The following DHX58 variants were observed in gnomAD, a reference collection of about 807,000 sequenced individuals.
DHX58 encodes the protein DExH-box helicase 58, also known as ATP-dependent RNA helicase DHX58.
DHX58 carries 51 observed loss-of-function variants against 65.0 expected under a neutral mutation model. The observed-to-expected ratio is 0.78, with a 90% CI of 0.63 to 0.99. The LOEUF (loss-of-function observed/expected upper bound fraction) is 0.99, where lower values mean the gene tolerates loss of function less well. DHX58 is among the 50% of genes least tolerant of loss of function. The pLI is 0.00. For missense variants in DHX58, 773 were observed against 891.8 expected, an observed-to-expected ratio of 0.87 and a Z score of 1.70; for synonymous variants, 350 against 365.0, an observed-to-expected ratio of 0.96 and a Z score of 0.47.
intron 12 of DHX58, chr17:42,102,519 T>G (rs2053995170): frequency 3.7e-6 from 2 of 545,932 alleles, no homozygotes; most frequent in African/African-American, 3.8e-5. Flanking sequence ...GGTTCAAGCC[T>G]CAGCATCGGT....
rs368975723 is a variant in DHX58 at position 42,106,029 on chromosome 17, A to G, written c.998-40T>C. ...AAAATTTAGCTGGGTGTAGTGGCAC[A>G]TGTCTGTAGTCCCAGATACTTGGGA... On this transcript the variant is annotated intron_variant, in intron 8 of 13. Transcript: ENST00000251642. The G allele has an allele frequency of 5.7e-6, 9 of 1,584,654 alleles. No individual in the cohort carries two copies. In the African/African-American group the frequency reaches 1.2e-4, roughly 21 times the overall value.
rs149551882 is a variant in DHX58 at position 42,105,767 on chromosome 17, C to T, written c.1220G>A (p.Gly407Glu). ...DIRAQLLIGA[G>E]NSSQSTHMTQ... Reference sequence around the variant, plus strand: ...CATGTGGGTGCTCTGGCTGCTGTTCCCAGCCCCAATCAGTAGCTGGGCCCG... The same window carrying T: ...CATGTGGGTGCTCTGGCTGCTGTTCTCAGCCCCAATCAGTAGCTGGGCCCG... The change falls in exon 9 of 14, where the codon GGG (glycine) becomes GAG (glutamate). Residue 407 changes from glycine to glutamate, a missense_variant. Coordinates refer to ENST00000251642, the MANE Select transcript of DHX58 (RefSeq NM_024119.3). 194 of 1,603,086 alleles carry T rather than the reference C, an allele frequency of 1.2e-4. No individual in the cohort carries two copies. Among genetic ancestry groups the T allele is most frequent in the Middle Eastern group, 3.4e-4 (2 of 5,874 alleles).
chr17:42,110,625 G>A (rs1276083087), intron 5 of DHX58, 98 bp downstream of exon 5: 2 of 1,382,110 alleles, frequency 1.4e-6, no homozygotes, highest in Non-Finnish European at 1.9e-6. Context: ...GGAGAGCCTG[G>A]TAGGGCTGGT....
At chr17:42,101,995 G>A in intron 13 of DHX58, 49 bp from the exon 14 acceptor site, 1 of 1,550,870 alleles carries the variant, frequency 6.4e-7, no homozygotes. Context: ...GCCTCAGACT[G>A]GGCTTCTCTC....
chr17:42,110,996 G>A, intron 4 of DHX58, 83 bp from the exon 5 acceptor site: 1 of 1,443,326 alleles, frequency 6.9e-7, no homozygotes. Context: ...CCACAATGAT[G>A]TAAGAATTCC....
At position 42,101,956 on chromosome 17, in the gene DHX58, A is replaced by G. The variant is rs139876577; in HGVS notation, c.1852-10T>C. The G allele has an allele frequency of 6.6e-3, 10,621 of 1,603,746 alleles. 49 individuals carry two copies. The highest frequency in any genetic ancestry group is 9.8e-3 in the Middle Eastern group (59 of 6,038). On this transcript the variant is annotated splice_polypyrimidine_tract_variant and intron_variant, in intron 13 of 13. Transcript: ENST00000251642. ...TCTGCAGACCCCAGACCTGGAGGTG[A>G]GACAGAGAGGGTAGGGTCTGGGTCT...
In DHX58 at chr17:42,111,715, G is replaced by T; in HGVS notation, c.168+10C>A. ...GTGGTGGGAGAGCGGGGTAGGGACA[G>T]ACCACTCACCCTGTTGACCAATACA... is the stretch of plus-strand genomic sequence containing the variant. On this transcript the variant is annotated intron_variant, in intron 3 of 13. Coordinates refer to ENST00000251642, the MANE Select transcript of DHX58 (RefSeq NM_024119.3). 6.2e-7 allele frequency: 1 copy of T among 1,605,250 alleles called. No individual in the cohort carries two copies. Among genetic ancestry groups the T allele is most frequent in the South Asian group, 1.1e-5 (1 of 90,352 alleles).
intron 6 of DHX58, among the ~76,000 whole-genome samples, chr17:42,108,550 C>T (rs1389476644): frequency 6.6e-6 from 1 of 152,226 alleles, no homozygotes; most frequent in Non-Finnish European, 1.5e-5. Context: ...CGCTTGCTCG[C>T]CCAGAGAGAG....
chr17:42,105,060 C>T lies in DHX58; in HGVS notation c.1359G>A (p.Val453=). The T allele has an allele frequency of 6.2e-7, 1 of 1,613,824 alleles. No homozygotes were observed. The highest frequency in any genetic ancestry group is 8.5e-7 in the Non-Finnish European group (1 of 1,179,970). Residue 453 remains valine (V), a synonymous_variant, in exon 10 of 14, where the codon GTG becomes GTA. Coordinates refer to ENST00000251642, the MANE Select transcript of DHX58 (RefSeq NM_024119.3). ...EGLDIPHCNV[V]VRYGLLTNEI... ...CATTGGTCAAGAGCCCATAACGCAC[C>T]ACCACATTGCAATGTGGGATGTCCA... is the stretch of plus-strand genomic sequence containing the variant.
In DHX58 at chr17:42,104,688, G is replaced by A. The variant is rs1198388384; in HGVS notation, c.1563+78C>T. The A allele has an allele frequency of 3.8e-6, 6 of 1,561,120 alleles. No homozygotes were observed. In the African/African-American group the frequency reaches 5.4e-5, roughly 14 times the overall value. ...ATGTAGAGGGGACAGGGGGACGTAT[G>A]TGTGCAGTCAGAAACCTGCCAGGGA... is the stretch of plus-strand genomic sequence containing the variant. On this transcript the variant is annotated intron_variant, in intron 11 of 13. Coordinates refer to ENST00000251642, the MANE Select transcript of DHX58 (RefSeq NM_024119.3).
intron 11 of DHX58, among the ~76,000 whole-genome samples, 198 bp from the exon 12 acceptor site, chr17:42,103,996 C>T (rs979461875): frequency 1.1e-4 from 16 of 152,178 alleles, no homozygotes; most frequent in East Asian, 1.9e-4. Context: ...GAGGCCAAGG[C>T]GGGTGGATCA....
At position 42,111,325 on chromosome 17, in the gene DHX58, G is replaced by C; in HGVS notation, c.341C>G (p.Pro114Arg). 6.2e-7 allele frequency: 1 copy of C among 1,613,844 alleles called. No homozygotes were observed. Among genetic ancestry groups the C allele is most frequent in the Admixed American group, 1.7e-5 (1 of 60,022 alleles). The change falls in exon 4 of 14, where the codon CCC becomes CGC. Residue 114 changes from proline (P) to arginine (R), a missense_variant. Transcript: ENST00000251642. Reference sequence around the variant, plus strand: ...GAGCTCCACGTGCTCCTCCTCCTCGGGGCTGGTCAGTGCCATCTGCAGAAG... The same window carrying C: ...GAGCTCCACGTGCTCCTCCTCCTCGCGGCTGGTCAGTGCCATCTGCAGAAG... ...AELLQMALTS[P>R]EEEEHVELTV...
intron 8 of DHX58, among the ~76,000 whole-genome samples, chr17:42,106,801 A>AAAAAAC (rs1217880559): frequency 2.0e-5 from 3 of 150,630 alleles, no homozygotes; most frequent in Admixed American, 6.6e-5. Flanking sequence ...CTCCCTCTCA[A>AAAAAAC]AAAAACAAAA....
In DHX58 at chr17:42,101,857, G is replaced by C. The variant is rs782471953; in HGVS notation, c.1941C>G (p.Ile647Met). The C allele has an allele frequency of 6.2e-7, 1 of 1,614,242 alleles. No individual in the cohort carries two copies. Among genetic ancestry groups the C allele is most frequent in the East Asian group, 2.2e-5 (1 of 44,892 alleles). Residue 647 changes from isoleucine to methionine, a missense_variant, in exon 14 of 14, where the codon ATC (isoleucine) becomes ATG (methionine). Ile to Met is a conservative substitution (Grantham distance 10, BLOSUM62 1). Coordinates refer to ENST00000251642, the MANE Select transcript of DHX58 (RefSeq NM_024119.3). ...SMLLETPQGR[I>M]QAKKWSRVPF... The stretch of plus-strand genomic sequence containing the variant: ...GCACGCGGGACCACTTTTTGGCCTG[G>C]ATCCGCCCCTGAGGGGTCTCCAGCA...
At position 42,105,096 on chromosome 17, in the gene DHX58, C is replaced by T. The variant is rs782163709; in HGVS notation, c.1323G>A (p.Ala441=). Residue 441 remains alanine, a synonymous_variant, in exon 10 of 14, where the codon GCG becomes GCA. Coordinates refer to ENST00000251642, the MANE Select transcript of DHX58 (RefSeq NM_024119.3). Reference sequence around the variant, plus strand: ...AATGTGGGATGTCCAGCCCCTCCTCCGCCACACTCGTGGCCACCAGAAGGT... The same window carrying T: ...AATGTGGGATGTCCAGCCCCTCCTCTGCCACACTCGTGGCCACCAGAAGGT... The part of the protein sequence containing the change: ...TLNLLVATSV[A]EEGLDIPHCN... 2.4e-5 allele frequency: 39 copies of T among 1,613,970 alleles called. No individual in the cohort carries two copies. The highest frequency in any genetic ancestry group is 1.1e-4 in the East Asian group (5 of 44,870).
In DHX58 at chr17:42,107,801, G is replaced by C. The variant is rs1219935020; in HGVS notation, c.806-6C>G. On this transcript the variant is annotated splice_polypyrimidine_tract_variant and splice_region_variant and intron_variant, in intron 7 of 13. Coordinates refer to ENST00000251642, the MANE Select transcript of DHX58 (RefSeq NM_024119.3). Reference sequence around the variant, plus strand: ...CTGAAGCCCAGCCAAAGCCGCTGCGGGAAGAGGGCGCAGGGTCTGAGCAGC... The same window carrying C: ...CTGAAGCCCAGCCAAAGCCGCTGCGCGAAGAGGGCGCAGGGTCTGAGCAGC... 2 of 1,565,484 alleles carry C rather than the reference G, an allele frequency of 1.3e-6. No homozygotes were observed. The highest frequency in any genetic ancestry group is 2.7e-5 in the African/African-American group (2 of 73,962).
At chr17:42,102,486 C>A in intron 12 of DHX58, 174 bp from the exon 13 acceptor site, 1 of 597,734 alleles carries the variant, frequency 1.7e-6, no homozygotes, top group East Asian at 2.8e-5. Flanking sequence ...GTGTGGCCTC[C>A]ATCGCACGTT....
chr17:42,104,148 A>G (rs1277788589), intron 11 of DHX58, among the ~76,000 whole-genome samples: 3 of 151,788 alleles, frequency 2.0e-5, no homozygotes, highest in Admixed American at 1.3e-4. Context: ...GCTTGAGCCC[A>G]GGAGGTGGAG....
chr17:42,101,636 A>C lies in DHX58; in HGVS notation c.*125T>G, dbSNP rs964458084. The C allele has an allele frequency of 3.0e-6, 4 of 1,350,096 alleles. No individual in the cohort carries two copies. The highest frequency in any genetic ancestry group is 4.1e-6 in the Non-Finnish European group (4 of 986,722). 83.6% of individuals were successfully genotyped at this position (1,350,096 alleles called of 1,614,324 possible). A position where few individuals can be genotyped will look rare whatever the true frequency, so the allele number is the denominator to read the frequency against. On this transcript the variant is annotated 3_prime_UTR_variant, in exon 14 of 14. Transcript: ENST00000251642. ...TGCGGGAGCCTAAGCCAGGGTGCCCAGGACTCCTGTGTGGCTGGTGGGCCT... is the reference window on the plus strand; with the variant it reads ...TGCGGGAGCCTAAGCCAGGGTGCCCCGGACTCCTGTGTGGCTGGTGGGCCT...
Sources: gnomAD v4.1 joint callset for allele counts (sites outside exome capture counted in the v4.1 genomes callset) on GRCh38, gnomAD v4.1.1 for gene constraint, MANE v1.5 for transcripts, NCBI Gene and HGNC (gene_info 2026-07-23, HGNC 2026-07-21) for gene names.